Variants in THSD7A observed in about 807,000 individuals in gnomAD.
THSD7A encodes thrombospondin type 1 domain containing 7A, also known as thrombospondin type-1 domain-containing protein 7A.
A neutral mutation model predicts 231.3 loss-of-function variants in THSD7A; 96 were observed. The ratio of observed to expected loss-of-function variants is 0.41; its 90% CI spans 0.35 to 0.49. THSD7A has a LOEUF of 0.49. Among genes scored for constraint, THSD7A ranks in the 20% least tolerant of loss-of-function variants. The probability of loss-of-function intolerance (pLI) is 0.05; values close to 1 mark genes in which losing one functional copy is unlikely to be tolerated. For missense variants in THSD7A, 2,290 were observed against 2,070.2 expected (o/e 1.11, Z -2.06); for synonymous variants, 940 against 743.3 (o/e 1.26, Z -4.30).
At chr7:11,739,301 A>G (rs1228930691) in intron 1 of THSD7A, among the ~76,000 whole-genome samples, 1 of 152,030 alleles carries the variant, frequency 6.6e-6, no homozygotes, top group Non-Finnish European at 1.5e-5. Context: ...CAATGGAATT[A>G]AAATTTAAGA....
chr7:11,809,606 G>C (rs1352938946), intron 1 of THSD7A, among the ~76,000 whole-genome samples: 1 of 152,108 alleles, frequency 6.6e-6, no homozygotes, highest in Non-Finnish European at 1.5e-5. Flanking sequence ...GGAGCAATAA[G>C]AATTAACTAT....
At chr7:11,710,170 T>C (rs1013807581) in intron 1 of THSD7A, among the ~76,000 whole-genome samples, 1 of 150,810 alleles carries the variant, frequency 6.6e-6, no homozygotes, top group Non-Finnish European at 1.5e-5. Flanking sequence ...CCTAAGAATC[T>C]GCATTTTTAA....
At chr7:11,601,219 T>C (rs369557617) in intron 2 of THSD7A, among the ~76,000 whole-genome samples, 2 of 152,210 alleles carry the variant, frequency 1.3e-5, no homozygotes, top group Admixed American at 6.5e-5. Context: ...TTCATACTTA[T>C]TAAGCTCATA....
At chr7:11,819,461 A>C (rs1784803276) in intron 1 of THSD7A, among the ~76,000 whole-genome samples, 1 of 152,228 alleles carries the variant, frequency 6.6e-6, no homozygotes, top group Admixed American at 6.5e-5. Flanking sequence ...GTATAGCCAA[A>C]GGATGGAATA....
At chr7:11,477,901 T>C (rs1013608861) in intron 7 of THSD7A, among the ~76,000 whole-genome samples, 6 of 152,228 alleles carry the variant, frequency 3.9e-5, no homozygotes, top group African/African-American at 9.6e-5. Flanking sequence ...AATATGTACA[T>C]ATTTATATTT....
intron 1 of THSD7A, among the ~76,000 whole-genome samples, chr7:11,829,349 G>A (rs146037422): frequency 1.1e-3 from 161 of 151,862 alleles, no homozygotes; most frequent in African/African-American, 3.7e-3. Flanking sequence ...AGCCCTTTAG[G>A]GGTTAAAAAG....
At chr7:11,398,382 G>A (rs191856290) in intron 23 of THSD7A, among the ~76,000 whole-genome samples, 1 of 152,154 alleles carries the variant, frequency 6.6e-6, no homozygotes, top group East Asian at 1.9e-4. Flanking sequence ...ACTGGGGCCT[G>A]TCGAGGGGTA....
At position 11,375,666 on chromosome 7, in the gene THSD7A, CT is replaced by C; in HGVS notation, c.*127del. On this transcript the variant is annotated 3_prime_UTR_variant, in exon 28 of 28. Coordinates refer to ENST00000423059, the MANE Select transcript of THSD7A (RefSeq NM_015204.3). ...GTGGCAGTATGATTTTCACTCTTGT[CT>C]TTATGATGCCATTTTTAAAAATTAA... 1 of 736,184 alleles carries C rather than the reference CT, an allele frequency of 1.4e-6. No homozygotes were observed. 45.6% of individuals were successfully genotyped at this position (736,184 alleles called of 1,614,324 possible). A position where few individuals can be genotyped will look rare whatever the true frequency, so the allele number is the denominator to read the frequency against.
At chr7:11,820,533 C>T (rs940942575) in intron 1 of THSD7A, 2 of 752,258 alleles carry the variant, frequency 2.7e-6, no homozygotes, top group Non-Finnish European at 4.4e-6. Context: ...CTCCTCTTAC[C>T]GGTTTCTTTT....
At chr7:11,548,877 C>T (rs1225838807) in intron 4 of THSD7A, among the ~76,000 whole-genome samples, 5 of 150,460 alleles carry the variant, frequency 3.3e-5, no homozygotes, top group Non-Finnish European at 7.4e-5. Context: ...ATGACAAACA[C>T]ACAACCAATA....
intron 13 of THSD7A, among the ~76,000 whole-genome samples, chr7:11,438,551 G>A (rs956774111): frequency 1.3e-5 from 2 of 151,908 alleles, no homozygotes; most frequent in African/African-American, 4.8e-5. Context: ...GGCAAAGAGA[G>A]AAAACATGGA....
At chr7:11,554,828 T>C (rs148455564) in intron 4 of THSD7A, among the ~76,000 whole-genome samples, 3 of 151,996 alleles carry the variant, frequency 2.0e-5, no homozygotes, top group East Asian at 3.9e-4. Flanking sequence ...TTGTGGTAGG[T>C]TGCAATTTAT....
intron 2 of THSD7A, among the ~76,000 whole-genome samples, chr7:11,615,438 T>TC (rs1562771347): frequency 1.3e-5 from 2 of 152,190 alleles, no homozygotes; most frequent in South Asian, 4.1e-4. Context: ...TTTCCTTGAC[T>TC]CCCCCAGGAA....
chr7:11,481,185 T>C (rs1381085246), intron 7 of THSD7A, among the ~76,000 whole-genome samples: 1 of 152,156 alleles, frequency 6.6e-6, no homozygotes, highest in Non-Finnish European at 1.5e-5. Context: ...GAGGTCTGAA[T>C]ATGTGACAAA....
In THSD7A at chr7:11,493,668, G is replaced by A. The variant is rs546345180; in HGVS notation, c.1823-11686C>T. 1.3e-5 allele frequency among the ~76,000 whole-genome samples: 2 copies of A among 152,078 alleles called. 1 individual carries two copies. The highest frequency in any genetic ancestry group is 4.8e-5 in the African/African-American group (2 of 41,506). ...TATTTAATTGAAGGTAAACAATATT[G>A]GCCCATTGTACCATTTTAATTTGTT... is the stretch of plus-strand genomic sequence containing the variant. On this transcript the variant is annotated intron_variant, in intron 6 of 27. Transcript: ENST00000423059.
chr7:11,540,931 C>T (rs1041537587), intron 6 of THSD7A, among the ~76,000 whole-genome samples: 3 of 152,004 alleles, frequency 2.0e-5, no homozygotes, highest in Non-Finnish European at 1.5e-5. Context: ...TGGTAGGCCT[C>T]GTGGATTGGG....
intron 1 of THSD7A, among the ~76,000 whole-genome samples, chr7:11,659,799 C>A (rs1782856998): frequency 6.6e-6 from 1 of 151,496 alleles, no homozygotes; most frequent in African/African-American, 2.4e-5. Context: ...GGTGAAATCT[C>A]TTCCAATGAG....
intron 6 of THSD7A, among the ~76,000 whole-genome samples, chr7:11,486,275 T>G (rs1397972555): frequency 6.6e-6 from 1 of 152,224 alleles, no homozygotes; most frequent in Non-Finnish European, 1.5e-5. Flanking sequence ...TTATTTTGAT[T>G]GGATAAGAAC....
intron 6 of THSD7A, among the ~76,000 whole-genome samples, chr7:11,537,261 G>C (rs1788950677): frequency 6.6e-6 from 1 of 152,142 alleles, no homozygotes; most frequent in South Asian, 2.1e-4. Context: ...AGATTAAGCA[G>C]TCACATGGCA....
Sources: allele counts gnomAD v4.1 joint callset (sites outside exome capture counted in the v4.1 genomes callset), GRCh38; gene constraint gnomAD v4.1.1; transcripts MANE v1.5; gene names NCBI Gene and HGNC (gene_info 2026-07-23, HGNC 2026-07-21).